Variants in RFC4 observed in about 807,000 individuals in gnomAD.
RFC4 encodes the protein A1 37 kDa subunit.
Under a neutral mutation model 47.6 loss-of-function variants are expected in RFC4, and 38 were observed. The observed-to-expected ratio is 0.80, with a 90% CI of 0.62 to 1.05. The LOEUF (loss-of-function observed/expected upper bound fraction) is 1.05. Ranked by LOEUF, RFC4 falls within the 50% of genes least tolerant of loss-of-function variation. RFC4 has a pLI of 0.00. For missense variants in RFC4, 489 were observed against 434.0 expected, an observed-to-expected ratio of 1.13 and a Z score of -1.13; for synonymous variants, 164 against 150.0, an observed-to-expected ratio of 1.09 and a Z score of -0.68.
intron 3 of RFC4, among the ~76,000 whole-genome samples, chr3:186,798,831 G>A (rs1560092791): frequency 6.6e-6 from 1 of 152,050 alleles, no homozygotes; most frequent in African/African-American, 2.4e-5. Flanking sequence ...ATTTCACTGT[G>A]GGGCTTAATT....
rs1397283841 is a variant in RFC4 at position 186,797,580 on chromosome 3, G to T, written c.245C>A (p.Thr82Asn). The change falls in exon 4 of 11, where the codon ACT becomes AAT. Residue 82 changes from threonine to asparagine, a missense_variant. Coordinates refer to ENST00000296273, the MANE Select transcript of RFC4 (RefSeq NM_002916.5). Reference sequence around the variant, plus strand: ...TGCCAAAATAGTGGATGTTTTTCCAGTTCCAGGTGGTCCGTAAAACAAGAG... The same window carrying T: ...TGCCAAAATAGTGGATGTTTTTCCATTTCCAGGTGGTCCGTAAAACAAGAG... ...PNLLFYGPPGTGKTSTILAAA... is the reference protein window; with the variant it reads ...PNLLFYGPPGNGKTSTILAAA... 1 of 1,611,602 alleles carries T rather than the reference G, an allele frequency of 6.2e-7. No individual in the cohort carries two copies. The highest frequency in any genetic ancestry group is 8.5e-7 in the Non-Finnish European group (1 of 1,178,388).
chr3:186,790,445 G>A (rs1722076686), intron 8 of RFC4, 39 bp from the exon 9 acceptor site: 1 of 1,419,090 alleles, frequency 7.0e-7, no homozygotes, highest in Non-Finnish European at 1.0e-6. Flanking sequence ...ATGTTTCTAG[G>A]TGAGACTAGA....
In RFC4 at chr3:186,804,686, T is replaced by C; in HGVS notation, c.28A>G (p.Ile10Val). 6.2e-7 allele frequency: 1 copy of C among 1,613,650 alleles called. No individual in the cohort carries two copies. Among genetic ancestry groups the C allele is most frequent in the East Asian group, 2.2e-5 (1 of 44,882 alleles). MQAFLKGTS[I>V]STKPPLTKDR... is the part of the protein sequence containing the mutation. The stretch of plus-strand genomic sequence containing the variant: ...TTGGTCAGCGGGGGTTTAGTACTGA[T>C]GGATGTACCTTTAAGAAATGCTTGC... Residue 10 changes from isoleucine to valine, a missense_variant, in exon 2 of 11, where the codon ATC becomes GTC. Transcript: ENST00000296273.
Position 186,794,826 on chromosome 3 carries a change from A to T in RFC4, c.291-49T>A, listed in dbSNP as rs199593909. On this transcript the variant is annotated intron_variant, in intron 4 of 10. Transcript: ENST00000296273. ...GAAACATAGAGCACAAGTAGGCTTA[A>T]ATCACATTTTAACATTTGCACACTT... 105 of 1,603,218 alleles carry T rather than the reference A, an allele frequency of 6.5e-5. 1 individual carries two copies. In the African/African-American group the frequency reaches 1.2e-3, roughly 18 times the overall value.
Position 186,797,627 on chromosome 3 carries a change from A to G in RFC4, c.211-13T>C. ...AGAGATTAGGAAGCTGTAGAAATTA[A>G]ATTTTATTTTTAATAAATGGTATTC... On this transcript the variant is annotated splice_polypyrimidine_tract_variant and intron_variant, in intron 3 of 10. Transcript: ENST00000296273. The G allele has an allele frequency of 6.4e-7, 1 of 1,566,436 alleles. No individual in the cohort carries two copies. The highest frequency in any genetic ancestry group is 1.1e-5 in the South Asian group (1 of 87,548).
chr3:186,791,917 A>T, intron 7 of RFC4, 67 bp from the exon 8 acceptor site: 1 of 1,389,002 alleles, frequency 7.2e-7, no homozygotes, highest in Non-Finnish European at 9.9e-7. Flanking sequence ...TAATTTTAAA[A>T]TGTTTAATAA....
chr3:186,802,886 A>G (rs146179064), intron 2 of RFC4, among the ~76,000 whole-genome samples: 5 of 152,192 alleles, frequency 3.3e-5, no homozygotes, highest in Non-Finnish European at 1.5e-5. Flanking sequence ...TGAGGAACAC[A>G]CGACCTTTCC....
At chr3:186,790,279 A>ATGATGACT in intron 9 of RFC4, 24 bp from the exon 10 acceptor site, 1 of 1,611,122 alleles carries the variant, frequency 6.2e-7, no homozygotes, top group Non-Finnish European at 8.5e-7. Context: ...AACTTTTGGT[A>ATGATGACT]TGATGACTTA....
At chr3:186,806,215 G>A (rs1381792933) in intron 1 of RFC4, 75 bp downstream of exon 1, 1 of 152,188 alleles carries the variant, frequency 6.6e-6, no homozygotes, top group African/African-American at 2.4e-5. Context: ...CGAAGGAGGT[G>A]GAAGACCTCA....
At chr3:186,790,481 T>G in intron 8 of RFC4, 75 bp from the exon 9 acceptor site, 1 of 1,024,466 alleles carries the variant, frequency 9.8e-7, no homozygotes, top group Admixed American at 1.7e-5. Flanking sequence ...CTGGCCCCCG[T>G]GCCCCCAGTC....
chr3:186,803,691 C>T (rs1201983725), intron 2 of RFC4, among the ~76,000 whole-genome samples: 2 of 148,518 alleles, frequency 1.3e-5, no homozygotes, highest in African/African-American at 5.0e-5. Context: ...TTTTTTTTCC[C>T]AGTAAAGAGG....
At chr3:186,805,022 TTAA>T (rs1226341455) in intron 1 of RFC4, 3 of 245,972 alleles carry the variant, frequency 1.2e-5, no homozygotes, top group African/African-American at 6.6e-5. Flanking sequence ...ACAAAAATGT[TTAA>T]TGAGTTCCAA....
rs1322846965 is a variant in RFC4, at chr3:186,791,839, A to G, written c.687T>C (p.Tyr229=). ...AGTCTCCTTCTGACACTTTAACAAGATAAGCTATTCCCTGAAGAGAAAAGA... is the reference window on the plus strand; with the variant it reads ...AGTCTCCTTCTGACACTTTAACAAGGTAAGCTATTCCCTGAAGAGAAAAGA... ...NVKISDEGIA[Y]LVKVSEGDLR... is the part of the protein sequence containing the mutation. Residue 229 remains tyrosine (Y), a synonymous_variant, in exon 8 of 11, where the codon TAT becomes TAC. Coordinates refer to ENST00000296273, the MANE Select transcript of RFC4 (RefSeq NM_002916.5). 1 of 1,612,408 alleles carries G rather than the reference A, an allele frequency of 6.2e-7. No homozygotes were observed. The highest frequency in any genetic ancestry group is 8.5e-7 in the Non-Finnish European group (1 of 1,178,644).
chr3:186,794,470 T>C (rs1371791047), intron 5 of RFC4, among the ~76,000 whole-genome samples, 188 bp downstream of exon 5: 1 of 152,226 alleles, frequency 6.6e-6, no homozygotes, highest in Non-Finnish European at 1.5e-5. Flanking sequence ...TCCTGGACCT[T>C]TGCCACCTAA....
At chr3:186,798,508 G>T (rs1030157792) in intron 3 of RFC4, among the ~76,000 whole-genome samples, 9 of 151,904 alleles carry the variant, frequency 5.9e-5, no homozygotes, top group Admixed American at 5.9e-4. Flanking sequence ...CACTCTGCTT[G>T]CTACTTAAAA....
chr3:186,791,438 C>A, intron 8 of RFC4: 1 of 360,974 alleles, frequency 2.8e-6, no homozygotes, highest in Non-Finnish European at 5.4e-6. Context: ...TCACTGCACT[C>A]CAGCCTGGGC....
At chr3:186,797,681 A>C (rs3917119) in intron 3 of RFC4, 67 bp from the exon 4 acceptor site, 3 of 1,127,682 alleles carry the variant, frequency 2.7e-6, no homozygotes, top group East Asian at 4.8e-5. Context: ...AGGAAGATCG[A>C]AAAAAATGTC....
rs771545124 is a variant in RFC4 at position 186,801,215 on chromosome 3, G to A, written c.132-20C>T. On this transcript the variant is annotated intron_variant, in intron 2 of 10. Coordinates refer to ENST00000296273, the MANE Select transcript of RFC4 (RefSeq NM_002916.5). The stretch of plus-strand genomic sequence containing the variant: ...GGGCGACTTGCGGGGTGAGAAGGAG[G>A]AAAGAGGTTATTTAGTATATTATAG... 1 of 1,592,980 alleles carries A rather than the reference G, an allele frequency of 6.3e-7. No homozygotes were observed. The highest frequency in any genetic ancestry group is 1.1e-5 in the South Asian group (1 of 90,588).
At chr3:186,797,181 C>T (rs574450269) in intron 4 of RFC4, among the ~76,000 whole-genome samples, 274 of 152,272 alleles carry the variant, frequency 1.8e-3, no homozygotes, top group African/African-American at 6.0e-3. Context: ...TGTAGCCACA[C>T]AGATGTGAAC....
Sources: gnomAD v4.1 joint callset for allele counts (sites outside exome capture counted in the v4.1 genomes callset) on GRCh38, gnomAD v4.1.1 for gene constraint, MANE v1.5 for transcripts, NCBI Gene and HGNC (gene_info 2026-07-23, HGNC 2026-07-21) for gene names.